Variants in ATF7IP observed in about 807,000 individuals in gnomAD.
ATF7IP encodes activating transcription factor 7 interacting protein, also known as activating transcription factor 7-interacting protein 1.
ATF7IP carries 23 observed loss-of-function variants against 106.4 expected under a neutral mutation model. The observed-to-expected ratio is 0.22, with a 90% CI of 0.16 to 0.31. The LOEUF (loss-of-function observed/expected upper bound fraction) is 0.31. Ranked by LOEUF, ATF7IP falls within the 10% of genes least tolerant of loss-of-function variation. The pLI is 1.00. For synonymous variants in ATF7IP, 542 were observed against 539.0 expected (o/e 1.01, Z -0.08); for missense variants, 1,334 against 1,524.3 (o/e 0.88, Z 2.08).
chr12:14,411,716 A>G (rs369348476), intron 1 of ATF7IP, among the ~76,000 whole-genome samples: 3 of 152,094 alleles, frequency 2.0e-5, no homozygotes, highest in Admixed American at 6.6e-5. Flanking sequence ...ATTTTCGTCC[A>G]TTGTGTGAAT....
At chr12:14,384,654 A>G (rs776497128) in intron 1 of ATF7IP, among the ~76,000 whole-genome samples, 2 of 152,106 alleles carry the variant, frequency 1.3e-5, no homozygotes, top group Non-Finnish European at 2.9e-5. Flanking sequence ...GCTTTTTGCC[A>G]TCTTCTAGAG....
intron 1 of ATF7IP, among the ~76,000 whole-genome samples, chr12:14,385,691 T>C (rs1034762436): frequency 2.4e-4 from 37 of 152,134 alleles, no homozygotes; most frequent in Admixed American, 2.4e-3. Flanking sequence ...TTGTGTAGGC[T>C]ATTTTAGTGT....
intron 6 of ATF7IP, among the ~76,000 whole-genome samples, chr12:14,447,811 A>G (rs919914023): frequency 1.1e-4 from 17 of 152,112 alleles, no homozygotes; most frequent in African/African-American, 3.9e-4. Flanking sequence ...ATTGTAATAT[A>G]CAGAGATTAG....
intron 1 of ATF7IP, among the ~76,000 whole-genome samples, chr12:14,397,688 T>C (rs935446136): frequency 6.6e-6 from 1 of 151,752 alleles, no homozygotes; most frequent in African/African-American, 2.4e-5. Flanking sequence ...TAAAGAAAGC[T>C]CATTAAAATT....
chr12:14,415,294 C>T (rs1305153048), intron 1 of ATF7IP, among the ~76,000 whole-genome samples: 1 of 152,118 alleles, frequency 6.6e-6, no homozygotes, highest in East Asian at 1.9e-4. Context: ...ACAATGATCC[C>T]AAAAATTGAC....
chr12:14,465,083 G>GC (rs1031737553), intron 9 of ATF7IP, among the ~76,000 whole-genome samples: 1 of 152,088 alleles, frequency 6.6e-6, no homozygotes, highest in Non-Finnish European at 1.5e-5. Flanking sequence ...AGGCATGGTG[G>GC]CACACACTGG....
At chr12:14,493,467 G>A (rs1944896780) in intron 13 of ATF7IP, among the ~76,000 whole-genome samples, 1 of 152,182 alleles carries the variant, frequency 6.6e-6, no homozygotes, top group African/African-American at 2.4e-5. Flanking sequence ...CTCAGGGGAA[G>A]CCATCACTCT....
intron 7 of ATF7IP, 143 bp from the exon 8 acceptor site, chr12:14,457,064 C>G (rs1326627213): frequency 5.8e-6 from 4 of 683,888 alleles, no homozygotes; most frequent in South Asian, 1.7e-5. Flanking sequence ...CTATGCCTCA[C>G]TGTTTTTGCT....
intron 5 of ATF7IP, among the ~76,000 whole-genome samples, chr12:14,443,316 A>G (rs1480101595): frequency 2.0e-5 from 3 of 152,230 alleles, no homozygotes; most frequent in African/African-American, 7.2e-5. Context: ...GTTCCAGGGT[A>G]TGGAGAAAGA....
At chr12:14,457,438 G>C (rs2136707202) in intron 8 of ATF7IP, 143 bp downstream of exon 8, 1 of 631,684 alleles carries the variant, frequency 1.6e-6, no homozygotes, top group South Asian at 2.1e-5. Context: ...AAAAATTCAG[G>C]ATCAAACTGG....
At chr12:14,481,569 A>G (rs1944430071) in intron 13 of ATF7IP, 3 of 418,980 alleles carry the variant, frequency 7.2e-6, no homozygotes, top group Admixed American at 3.2e-5. Context: ...AAATGGCAGT[A>G]TAACCAAAAC....
At chr12:14,465,493 CAG>C (rs1188723644) in intron 9 of ATF7IP, among the ~76,000 whole-genome samples, 2 of 151,670 alleles carry the variant, frequency 1.3e-5, no homozygotes, top group Non-Finnish European at 1.5e-5. Context: ...TAGTCCAAAA[CAG>C]ATGCTCATTT....
chr12:14,494,688 T>C (rs1397441394), intron 13 of ATF7IP, among the ~76,000 whole-genome samples: 1 of 150,728 alleles, frequency 6.6e-6, no homozygotes, highest in Non-Finnish European at 1.5e-5. Context: ...ATCCCAGCAG[T>C]ATGGGAGGCC....
intron 11 of ATF7IP, 50 bp downstream of exon 11, chr12:14,476,018 G>T (rs575417409): frequency 5.3e-6 from 7 of 1,326,622 alleles, no homozygotes; most frequent in Admixed American, 1.7e-5. Flanking sequence ...CATTTTTTTT[G>T]TCTTAATACG....
At chr12:14,452,531 C>A (rs936140466) in intron 6 of ATF7IP, among the ~76,000 whole-genome samples, 1 of 151,672 alleles carries the variant, frequency 6.6e-6, no homozygotes, top group African/African-American at 2.4e-5. Flanking sequence ...CTGTGGTTAC[C>A]GTGGGGATTA....
chr12:14,496,374 C>A (rs1158345375), intron 14 of ATF7IP, 31 bp downstream of exon 14: 2 of 1,433,166 alleles, frequency 1.4e-6, no homozygotes, highest in Admixed American at 3.4e-5. Flanking sequence ...TTGCAAAATT[C>A]TCAACTGTAG....
chr12:14,418,034 G>A (rs946590302), intron 1 of ATF7IP, among the ~76,000 whole-genome samples: 1 of 152,030 alleles, frequency 6.6e-6, no homozygotes, highest in African/African-American at 2.4e-5. Context: ...GAAAGAAGTG[G>A]GTGGAGGGGG....
rs796094959 is a variant in ATF7IP, at chr12:14,410,138, T to C, written c.-7-13771T>C. Among the ~76,000 whole-genome samples, 6 of 152,192 alleles carry C rather than the reference T, an allele frequency of 3.9e-5. No individual in the cohort carries two copies. In the South Asian group the frequency reaches 1.0e-3, roughly 26 times the overall value. ...AAGCCACTTTCTGTCTGTATAGATATAGATTTGCCTATTCTGGACATTTCA... is the reference window on the plus strand; with the variant it reads ...AAGCCACTTTCTGTCTGTATAGATACAGATTTGCCTATTCTGGACATTTCA... On this transcript the variant is annotated intron_variant, in intron 1 of 14. Transcript: ENST00000261168.
At chr12:14,488,097 A>T (rs1944685931) in intron 13 of ATF7IP, among the ~76,000 whole-genome samples, 1 of 151,938 alleles carries the variant, frequency 6.6e-6, no homozygotes, top group Non-Finnish European at 1.5e-5. Context: ...CAATGAAAGA[A>T]CTCCATCCTT....
Sources: allele counts gnomAD v4.1 joint callset (sites outside exome capture counted in the v4.1 genomes callset), GRCh38; gene constraint gnomAD v4.1.1; transcripts MANE v1.5; gene names NCBI Gene and HGNC (gene_info 2026-07-23, HGNC 2026-07-21).